Variants in OSBPL8 observed in about 807,000 individuals in gnomAD.
The protein encoded by OSBPL8 is oxysterol binding protein like 8.
Under a neutral mutation model 125.5 loss-of-function variants are expected in OSBPL8, and 59 were observed. The ratio of observed to expected loss-of-function variants is 0.47; its 90% confidence interval spans 0.38 to 0.58. OSBPL8 has a LOEUF of 0.58. Among genes scored for constraint, OSBPL8 ranks in the 20% least tolerant of loss-of-function variants. The pLI is 0.00. For synonymous variants in OSBPL8, 330 were observed against 338.9 expected (o/e 0.97, Z 0.29); for missense variants, 758 against 1,047.8 (o/e 0.72, Z 3.82).
chr12:76,456,897 A>G (rs944986815), intron 3 of OSBPL8, among the ~76,000 whole-genome samples: 1 of 152,226 alleles, frequency 6.6e-6, no homozygotes, highest in African/African-American at 2.4e-5. Flanking sequence ...AGCAGCAACC[A>G]CAGCTGCAGA....
intron 1 of OSBPL8, among the ~76,000 whole-genome samples, chr12:76,543,910 A>T (rs1950712854): frequency 6.6e-6 from 1 of 152,222 alleles, no homozygotes; most frequent in Non-Finnish European, 1.5e-5. Flanking sequence ...GAATTAAATT[A>T]CCATTCAAAT....
At chr12:76,541,202 G>A (rs144203890) in intron 1 of OSBPL8, among the ~76,000 whole-genome samples, 192 of 152,306 alleles carry the variant, frequency 1.3e-3, no homozygotes, top group African/African-American at 4.5e-3. Flanking sequence ...GATGTGGTCA[G>A]GCGCGGTGGC....
At chr12:76,395,051 A>C (rs1421956266) in intron 8 of OSBPL8, among the ~76,000 whole-genome samples, 2 of 152,174 alleles carry the variant, frequency 1.3e-5, no homozygotes, top group South Asian at 4.1e-4. Flanking sequence ...CATGGATACA[A>C]CTAATGAGAT....
At chr12:76,470,818 T>TA (rs1358643143) in intron 2 of OSBPL8, among the ~76,000 whole-genome samples, 4 of 152,224 alleles carry the variant, frequency 2.6e-5, no homozygotes, top group Non-Finnish European at 5.9e-5. Flanking sequence ...TCTCTGCAAC[T>TA]ACATGGTGCT....
chr12:76,467,319 C>T (rs1289120508), intron 2 of OSBPL8, among the ~76,000 whole-genome samples: 1 of 152,198 alleles, frequency 6.6e-6, no homozygotes, highest in Admixed American at 6.5e-5. Flanking sequence ...TCCATTGATG[C>T]TCAAGGCTCA....
chr12:76,531,477 T>G (rs893778818), intron 1 of OSBPL8, among the ~76,000 whole-genome samples: 1 of 152,184 alleles, frequency 6.6e-6, no homozygotes, highest in Non-Finnish European at 1.5e-5. Context: ...AGGCACCTTT[T>G]TGGCAAACCC....
chr12:76,542,212 T>A (rs768958260), intron 1 of OSBPL8, among the ~76,000 whole-genome samples: 1 of 152,112 alleles, frequency 6.6e-6, no homozygotes, highest in Non-Finnish European at 1.5e-5. Context: ...AGCATAATGC[T>A]TACTTCACCA....
At chr12:76,358,643 C>T (rs1462921409) in intron 22 of OSBPL8, 63 bp downstream of exon 22, 1 of 1,351,330 alleles carries the variant, frequency 7.4e-7, no homozygotes, top group East Asian at 2.3e-5. Flanking sequence ...AAACCATATT[C>T]ATATCAAATT....
intron 2 of OSBPL8, among the ~76,000 whole-genome samples, chr12:76,464,657 G>C (rs1054904451): frequency 6.6e-5 from 10 of 152,098 alleles, no homozygotes; most frequent in African/African-American, 2.4e-4. Context: ...AACCACACTG[G>C]AAGGCCACCC....
chr12:76,397,350 G>T (rs1397113579), intron 8 of OSBPL8, among the ~76,000 whole-genome samples: 2 of 143,260 alleles, frequency 1.4e-5, no homozygotes, highest in Non-Finnish European at 3.1e-5. Flanking sequence ...GGTGGGGAGG[G>T]GGGGTGGGGG....
At chr12:76,426,542 G>C (rs532738528) in intron 4 of OSBPL8, among the ~76,000 whole-genome samples, 1 of 152,274 alleles carries the variant, frequency 6.6e-6, no homozygotes, top group African/African-American at 2.4e-5. Flanking sequence ...CACGTAGAAG[G>C]CATGTAAAGG....
At chr12:76,484,613 A>G (rs1877924901) in intron 2 of OSBPL8, among the ~76,000 whole-genome samples, 1 of 152,320 alleles carries the variant, frequency 6.6e-6, no homozygotes, top group Non-Finnish European at 1.5e-5. Context: ...AGAAACCTGG[A>G]GAATTTACTA....
At chr12:76,551,097 G>A (rs1950924037) in intron 1 of OSBPL8, among the ~76,000 whole-genome samples, 1 of 151,512 alleles carries the variant, frequency 6.6e-6, no homozygotes, top group Non-Finnish European at 1.5e-5. Context: ...AGGAAGAGAG[G>A]AAAACACACA....
rs571873061 is a variant in OSBPL8, at chr12:76,553,277, T to C, written c.-68+6120A>G. Among the ~76,000 whole-genome samples, 4 of 152,280 alleles carry C rather than the reference T, an allele frequency of 2.6e-5. No individual in the cohort carries two copies. In the South Asian group the frequency reaches 8.3e-4, roughly 32 times the overall value. On this transcript the variant is annotated intron_variant, in intron 1 of 23. Coordinates refer to ENST00000261183, the MANE Select transcript of OSBPL8 (RefSeq NM_020841.5). ...ATCTGACAAACTATTCCTGCTAATA[T>C]GTAGGCATTTGGCAGCCAAAAAGCA...
At chr12:76,413,956 CTTTCT>C (rs1022331223) in intron 4 of OSBPL8, among the ~76,000 whole-genome samples, 16 of 152,148 alleles carry the variant, frequency 1.1e-4, no homozygotes, top group African/African-American at 3.9e-4. Context: ...TTAGCAATCT[CTTTCT>C]TTAAAGGTTA....
intron 1 of OSBPL8, among the ~76,000 whole-genome samples, chr12:76,496,822 G>T (rs1027090111): frequency 1.3e-5 from 2 of 152,176 alleles, no homozygotes; most frequent in Admixed American, 1.3e-4. Context: ...GATTACAGGT[G>T]TGAGCCACCG....
Position 76,501,952 on chromosome 12 carries a change from T to C in OSBPL8, c.-67-14334A>G, listed in dbSNP as rs866953254. On this transcript the variant is annotated intron_variant, in intron 1 of 23. Coordinates refer to ENST00000261183, the MANE Select transcript of OSBPL8 (RefSeq NM_020841.5). ...CCTCATCTACCATAATAGTAATACATACAGCATTGCTTTGGAAGAAGAAAC... is the reference window on the plus strand; with the variant it reads ...CCTCATCTACCATAATAGTAATACACACAGCATTGCTTTGGAAGAAGAAAC... Among the ~76,000 whole-genome samples, 4 of 152,334 alleles carry C rather than the reference T, an allele frequency of 2.6e-5. No homozygotes were observed. The South Asian group carries it at 6.2e-4, about 24-fold the overall frequency.
chr12:76,411,100 C>T (rs999529041), intron 4 of OSBPL8, among the ~76,000 whole-genome samples: 18 of 152,140 alleles, frequency 1.2e-4, no homozygotes, highest in African/African-American at 4.3e-4. Flanking sequence ...AAGATACATA[C>T]AAAGCACTTA....
chr12:76,427,810 A>T (rs937449024), intron 4 of OSBPL8, among the ~76,000 whole-genome samples: 1 of 152,078 alleles, frequency 6.6e-6, no homozygotes, highest in Non-Finnish European at 1.5e-5. Flanking sequence ...ATGGATAAAC[A>T]TATACTTATT....
Sources: allele counts gnomAD v4.1 joint callset (sites outside exome capture counted in the v4.1 genomes callset), GRCh38; gene constraint gnomAD v4.1.1; transcripts MANE v1.5; gene names NCBI Gene and HGNC (gene_info 2026-07-23, HGNC 2026-07-21).